Variants in NTN1 observed in about 807,000 individuals in gnomAD.
NTN1 encodes the protein netrin-1.
A neutral mutation model predicts 54.2 loss-of-function variants in NTN1; 11 were observed. That is an observed-to-expected ratio of 0.20 (90% CI 0.13 to 0.34). The LOEUF is 0.34. Among genes scored for constraint, NTN1 ranks in the 10% least tolerant of loss-of-function variants. The probability of loss-of-function intolerance (pLI) is 1.00; values close to 1 mark genes in which losing one functional copy is unlikely to be tolerated. For missense variants in NTN1, 740 were observed against 893.1 expected, an observed-to-expected ratio of 0.83 and a Z score of 2.18; for synonymous variants, 371 against 382.0, an observed-to-expected ratio of 0.97 and a Z score of 0.33.
chr17:9,208,455 C>T (rs193259786), intron 5 of NTN1, among the ~76,000 whole-genome samples: 3 of 152,182 alleles, frequency 2.0e-5, no homozygotes, highest in African/African-American at 7.2e-5. Context: ...CGGTGACCTG[C>T]ACTGTGCTAG....
chr17:9,041,339 T>G (rs2091920962), intron 2 of NTN1, among the ~76,000 whole-genome samples: 1 of 152,198 alleles, frequency 6.6e-6, no homozygotes, highest in South Asian at 2.1e-4. Context: ...GAATTAGCAG[T>G]CACTTTCCAT....
intron 3 of NTN1, chr17:9,176,550 A>G (rs2092400581): frequency 2.0e-5 from 3 of 152,186 alleles, no homozygotes; most frequent in Non-Finnish European, 4.4e-5. Context: ...TGGCATTGCC[A>G]TCTGTCAACT....
chr17:9,024,780 A>G lies in NTN1; in HGVS notation c.1018+1389A>G, dbSNP rs529947925. On this transcript the variant is annotated intron_variant, in intron 2 of 6. Transcript: ENST00000173229. ...ACGCTCGTGTCCCGCTCTTGCAGAC[A>G]TAATTGTTTGTCCCCTTTCTTTTAA... Among the ~76,000 whole-genome samples the G allele has an allele frequency of 3.1e-4, 47 of 152,374 alleles. 1 individual carries two copies. The highest frequency in any genetic ancestry group is 1.1e-3 in the African/African-American group (47 of 41,592).
intron 5 of NTN1, among the ~76,000 whole-genome samples, chr17:9,195,571 T>C (rs1418797157): frequency 6.6e-6 from 1 of 152,114 alleles, no homozygotes; most frequent in Non-Finnish European, 1.5e-5. Context: ...GGAGCTAGGC[T>C]GAGGCAGGGG....
At chr17:9,206,104 A>G (rs1342166836) in intron 5 of NTN1, among the ~76,000 whole-genome samples, 3 of 152,022 alleles carry the variant, frequency 2.0e-5, no homozygotes, top group East Asian at 1.9e-4. Flanking sequence ...GGTAGAAGCA[A>G]TTTCCTCAGC....
At chr17:9,233,238 A>C (rs1905875344) in intron 6 of NTN1, among the ~76,000 whole-genome samples, 1 of 152,070 alleles carries the variant, frequency 6.6e-6, no homozygotes, top group African/African-American at 2.4e-5. Context: ...GGAAAGGAGA[A>C]GGGCCAGCAG....
rs998797249 is a variant in NTN1 at position 9,241,686 on chromosome 17, C to T, written c.*1718C>T. ...CGCATCACGGCTGCCATTTATTGAG[C>T]ACCTGCTGTGTGCCAGGCACTTTAC... is the stretch of plus-strand genomic sequence containing the variant. On this transcript the variant is annotated 3_prime_UTR_variant, in exon 7 of 7. Coordinates refer to ENST00000173229, the MANE Select transcript of NTN1 (RefSeq NM_004822.3). 1.3e-5 allele frequency: 2 copies of T among 152,380 alleles called. No homozygotes were observed. Among genetic ancestry groups the T allele is most frequent in the Non-Finnish European group, 2.9e-5 (2 of 68,152 alleles). The allele number at this position is 152,380 out of a possible 1,614,324, so 9.4% of individuals were successfully genotyped here. A position where few individuals can be genotyped will look rare whatever the true frequency, so the allele number is the denominator to read the frequency against.
intron 2 of NTN1, among the ~76,000 whole-genome samples, chr17:9,060,656 T>C (rs1462563938): frequency 6.6e-6 from 1 of 152,134 alleles, no homozygotes; most frequent in Middle Eastern, 3.2e-3. Flanking sequence ...GTTTTGCCAT[T>C]AGCCAGCTAG....
chr17:9,149,567 C>A (rs1272583611), intron 2 of NTN1, among the ~76,000 whole-genome samples: 1 of 152,146 alleles, frequency 6.6e-6, no homozygotes, highest in Non-Finnish European at 1.5e-5. Flanking sequence ...AGGTCCCTGG[C>A]AACATCTCTT....
chr17:9,163,409 C>T (rs1370945214), intron 3 of NTN1, among the ~76,000 whole-genome samples: 2 of 149,390 alleles, frequency 1.3e-5, no homozygotes, highest in Non-Finnish European at 1.5e-5. Context: ...ACAAAGGACT[C>T]TCTTTCACCA....
At chr17:9,109,883 T>C (rs1422725485) in intron 2 of NTN1, among the ~76,000 whole-genome samples, 1 of 152,236 alleles carries the variant, frequency 6.6e-6, no homozygotes, top group African/African-American at 2.4e-5. Context: ...TAAGCATCTT[T>C]TCATATGTTT....
At chr17:9,208,210 C>T (rs1905018508) in intron 5 of NTN1, among the ~76,000 whole-genome samples, 1 of 152,130 alleles carries the variant, frequency 6.6e-6, no homozygotes, top group African/African-American at 2.4e-5. Flanking sequence ...CCAGCCTAGG[C>T]CACAGATCGA....
At chr17:9,058,637 C>CAAAAAAAAAAAAAAAAAAAAAAAAA (rs3053457) in intron 2 of NTN1, among the ~76,000 whole-genome samples, 3 of 58,906 alleles carry the variant, frequency 5.1e-5, no homozygotes, top group African/African-American at 6.4e-5. Flanking sequence ...GGTAGGCACT[C>CAAAAAAAAAAAAAAAAAAAAAAAAA]AAAAAAAAAA....
At chr17:9,147,720 G>A (rs578169844) in intron 2 of NTN1, among the ~76,000 whole-genome samples, 1 of 152,090 alleles carries the variant, frequency 6.6e-6, no homozygotes, top group Admixed American at 6.5e-5. Context: ...TCCCCCAGGG[G>A]TGGCCCATTC....
chr17:9,210,125 G>A (rs1905061483), intron 5 of NTN1, among the ~76,000 whole-genome samples: 1 of 152,020 alleles, frequency 6.6e-6, no homozygotes, highest in South Asian at 2.1e-4. Flanking sequence ...TGCTGCCCCT[G>A]TCCTTCCGTC....
chr17:9,008,327 A>G, the NTN1 span, among the ~76,000 whole-genome samples: 4,904 of 151,596 alleles, frequency 0.032, 246 homozygotes, highest in African/African-American at 0.11. Flanking sequence ...TTATTTATTT[A>G]TTTATTTTTG....
chr17:9,108,953 T>G (rs2092179441), intron 2 of NTN1, among the ~76,000 whole-genome samples: 1 of 151,960 alleles, frequency 6.6e-6, no homozygotes, highest in East Asian at 1.9e-4. Context: ...CTCGGCTCAC[T>G]GCAACCTCTG....
At chr17:9,005,581 A>G in the NTN1 span, among the ~76,000 whole-genome samples, 5 of 152,146 alleles carry the variant, frequency 3.3e-5, no homozygotes, top group Non-Finnish European at 7.4e-5. Context: ...TATTTAGGGG[A>G]ATGCAGCCCA....
chr17:9,238,394 G>A (rs1234005251), intron 6 of NTN1, among the ~76,000 whole-genome samples: 4 of 152,170 alleles, frequency 2.6e-5, no homozygotes, highest in Admixed American at 1.3e-4. Flanking sequence ...CAGTGTGTGA[G>A]GGTGGGATCA....
Sources: gnomAD v4.1 joint callset for allele counts (sites outside exome capture counted in the v4.1 genomes callset) on GRCh38, gnomAD v4.1.1 for gene constraint, MANE v1.5 for transcripts, NCBI Gene and HGNC (gene_info 2026-07-23, HGNC 2026-07-21) for gene names.